The following PCDH7 variants were observed in gnomAD, a reference collection of about 807,000 sequenced individuals.
PCDH7 encodes protocadherin-7.
Under a neutral mutation model 58.9 loss-of-function variants are expected in PCDH7, and 17 were observed. The ratio of observed to expected loss-of-function variants is 0.29; its 90% CI spans 0.20 to 0.43. The LOEUF (loss-of-function observed/expected upper bound fraction) is 0.43, where lower values mean the gene tolerates loss of function less well. Ranked by LOEUF, PCDH7 falls within the 20% of genes least tolerant of loss-of-function variation. The pLI, the probability that PCDH7 is intolerant of heterozygous loss-of-function variation, is 1.00. For synonymous variants in PCDH7, 664 were observed against 616.4 expected (o/e 1.08, Z -1.14); for missense variants, 1,274 against 1,441.0 (o/e 0.88, Z 1.88).
At chr4:30,958,537 C>A (rs913573409) in intron 3 of PCDH7, among the ~76,000 whole-genome samples, 3 of 151,816 alleles carry the variant, frequency 2.0e-5, no homozygotes, top group Non-Finnish European at 4.4e-5. Flanking sequence ...AAACTCTTAA[C>A]AATCCACTTT....
chr4:30,746,791 G>A (rs1000585935), intron 1 of PCDH7, among the ~76,000 whole-genome samples: 5 of 152,136 alleles, frequency 3.3e-5, no homozygotes, highest in African/African-American at 1.2e-4. Context: ...AAGTCTGCTT[G>A]ATGGAAAGAA....
intron 3 of PCDH7, among the ~76,000 whole-genome samples, chr4:31,078,977 C>A (rs1442144055): frequency 6.6e-6 from 1 of 151,590 alleles, no homozygotes; most frequent in Non-Finnish European, 1.5e-5. Context: ...TCTGTTGACT[C>A]CAGTCGATAA....
intron 3 of PCDH7, among the ~76,000 whole-genome samples, chr4:31,055,451 T>C (rs981874597): frequency 3.3e-5 from 5 of 152,188 alleles, no homozygotes; most frequent in African/African-American, 1.2e-4. Flanking sequence ...TCTAGTTGTG[T>C]ACCATAATGG....
At chr4:30,951,602 A>G (rs539632167) in intron 3 of PCDH7, among the ~76,000 whole-genome samples, 6 of 152,204 alleles carry the variant, frequency 3.9e-5, no homozygotes, top group Non-Finnish European at 8.8e-5. Context: ...GAAAATTCAC[A>G]TACAAAAAAT....
At chr4:30,793,136 G>T (rs1187365637) in intron 1 of PCDH7, among the ~76,000 whole-genome samples, 1 of 152,092 alleles carries the variant, frequency 6.6e-6, no homozygotes, top group South Asian at 2.1e-4. Flanking sequence ...TATTTTGATT[G>T]AGAAGTTTGT....
chr4:30,929,943 G>A (rs570777908), intron 2 of PCDH7, among the ~76,000 whole-genome samples: 1 of 152,192 alleles, frequency 6.6e-6, no homozygotes, highest in Non-Finnish European at 1.5e-5. Flanking sequence ...AGAATGTAGA[G>A]TGTTATAAGA....
intron 2 of PCDH7, among the ~76,000 whole-genome samples, chr4:30,948,635 T>A (rs1747004745): frequency 1.3e-5 from 2 of 152,162 alleles, no homozygotes; most frequent in South Asian, 4.1e-4. Flanking sequence ...ATATGCTCAA[T>A]AATATCAGTT....
chr4:30,976,399 C>CT (rs370648622), intron 3 of PCDH7, among the ~76,000 whole-genome samples: 7,324 of 113,480 alleles, frequency 0.065, 407 homozygotes, highest in East Asian at 0.2. Flanking sequence ...CCATAAAATA[C>CT]TTTTTTTTTT....
At chr4:30,815,848 A>T (rs973283236) in intron 1 of PCDH7, among the ~76,000 whole-genome samples, 4 of 152,166 alleles carry the variant, frequency 2.6e-5, no homozygotes, top group Admixed American at 6.5e-5. Context: ...GAGACAGTTT[A>T]ACAACTGCCT....
At chr4:31,052,345 A>G (rs1415655019) in intron 3 of PCDH7, among the ~76,000 whole-genome samples, 1 of 152,160 alleles carries the variant, frequency 6.6e-6, no homozygotes, top group Non-Finnish European at 1.5e-5. Context: ...ACCACTGAAC[A>G]TTTTGAAACT....
intron 1 of PCDH7, among the ~76,000 whole-genome samples, chr4:30,799,249 GC>G (rs1725200743): frequency 6.6e-6 from 1 of 152,152 alleles, no homozygotes; most frequent in African/African-American, 2.4e-5. Flanking sequence ...AGCTGAAAGG[GC>G]CTATGGCATG....
intron 1 of PCDH7, among the ~76,000 whole-genome samples, chr4:30,873,903 G>T (rs1735939806): frequency 6.6e-6 from 1 of 151,630 alleles, no homozygotes; most frequent in South Asian, 2.1e-4. Context: ...TTAATTTAAG[G>T]ATCAAAAGTC....
chr4:30,841,618 G>A (rs1400356219), intron 1 of PCDH7, among the ~76,000 whole-genome samples: 1 of 152,104 alleles, frequency 6.6e-6, no homozygotes, highest in African/African-American at 2.4e-5. Context: ...GATGGAAATA[G>A]GTGGTAGCTT....
chr4:30,809,916 T>G (rs2109312652), intron 1 of PCDH7, among the ~76,000 whole-genome samples: 1 of 152,362 alleles, frequency 6.6e-6, no homozygotes, highest in Middle Eastern at 3.4e-3. Flanking sequence ...TTACTTGCTT[T>G]TGGACATGCC....
At chr4:30,734,685 GT>G (rs949365746), downstream of PCDH7, among the ~76,000 whole-genome samples, 32 of 152,116 alleles carry the variant, frequency 2.1e-4, no homozygotes, top group Non-Finnish European at 4.4e-4. Context: ...CTGCTGTCAA[GT>G]TTTTTTTGCC....
chr4:30,945,883 T>C (rs1746613252), intron 2 of PCDH7, among the ~76,000 whole-genome samples: 1 of 152,050 alleles, frequency 6.6e-6, no homozygotes, highest in Admixed American at 6.6e-5. Flanking sequence ...GTGCCAACAA[T>C]CAAGGTGACC....
chr4:30,850,824 G>T (rs1178548061), intron 1 of PCDH7, among the ~76,000 whole-genome samples: 2 of 151,980 alleles, frequency 1.3e-5, no homozygotes, highest in African/African-American at 4.8e-5. Flanking sequence ...CACTATGTCG[G>T]CTCCATGAGG....
intron 3 of PCDH7, among the ~76,000 whole-genome samples, chr4:30,965,832 A>T (rs1014756033): frequency 6.6e-6 from 1 of 152,078 alleles, no homozygotes; most frequent in Admixed American, 6.6e-5. Flanking sequence ...TTAAAATATT[A>T]TTTTTTTAAA....
intron 3 of PCDH7, among the ~76,000 whole-genome samples, chr4:31,046,869 CA>C (rs1422633561): frequency 6.6e-6 from 1 of 151,854 alleles, no homozygotes; most frequent in African/African-American, 2.4e-5. Flanking sequence ...TCAGTTTGCA[CA>C]GAAATAGCTG....
Sources: allele counts gnomAD v4.1 joint callset (sites outside exome capture counted in the v4.1 genomes callset), GRCh38; gene constraint gnomAD v4.1.1; transcripts MANE v1.5; gene names NCBI Gene and HGNC (gene_info 2026-07-23, HGNC 2026-07-21).